ZFYVE28: variants seen among roughly 807,000 people sequenced by gnomAD.
ZFYVE28 encodes zinc finger FYVE-type containing 28.
In ZFYVE28, 40 loss-of-function variants were observed where a neutral mutation model predicts 82.1. That is an observed-to-expected ratio of 0.49 (90% CI 0.38 to 0.63). The LOEUF is 0.63. Among genes scored for constraint, ZFYVE28 ranks in the 30% least tolerant of loss-of-function variants. The pLI is 0.00. For missense variants in ZFYVE28, 1,321 were observed against 1,242.1 expected, an observed-to-expected ratio of 1.06 and a Z score of -0.96; for synonymous variants, 612 against 546.1, an observed-to-expected ratio of 1.12 and a Z score of -1.68.
chr4:2,290,737 G>A (rs1264576463), intron 8 of ZFYVE28, among the ~76,000 whole-genome samples: 2 of 152,254 alleles, frequency 1.3e-5, no homozygotes, highest in South Asian at 2.1e-4. Flanking sequence ...GCCAGGCATC[G>A]CCTTGGGGTG....
chr4:2,289,396 G>A (rs1713250978), intron 8 of ZFYVE28, among the ~76,000 whole-genome samples: 3 of 152,234 alleles, frequency 2.0e-5, no homozygotes, highest in African/African-American at 4.8e-5. Flanking sequence ...GGTCCTGGGT[G>A]TGGCCCTGGG....
intron 2 of ZFYVE28, among the ~76,000 whole-genome samples, chr4:2,349,732 A>T (rs564685653): frequency 6.6e-5 from 10 of 152,182 alleles, no homozygotes; most frequent in Non-Finnish European, 1.3e-4. Flanking sequence ...ATCGAGTAAA[A>T]AAAACCATCA....
At chr4:2,299,348 C>A (rs956862786) in intron 8 of ZFYVE28, among the ~76,000 whole-genome samples, 13 of 151,962 alleles carry the variant, frequency 8.6e-5, no homozygotes, top group Non-Finnish European at 1.9e-4. Flanking sequence ...AGGGATGGCA[C>A]TGCTGGGGGT....
At chr4:2,328,830 T>G in intron 6 of ZFYVE28, 1 of 333,626 alleles carries the variant, frequency 3.0e-6, no homozygotes, top group Non-Finnish European at 5.4e-6. Flanking sequence ...TCCAACTTTG[T>G]TCTTTTGCAT....
chr4:2,329,888 C>G (rs971532710), intron 6 of ZFYVE28, among the ~76,000 whole-genome samples: 12 of 152,146 alleles, frequency 7.9e-5, no homozygotes, highest in Non-Finnish European at 1.6e-4. Context: ...CGGGGATAAT[C>G]TTTGTGGATA....
chr4:2,393,071 G>T (rs571356851), intron 1 of ZFYVE28, among the ~76,000 whole-genome samples: 2 of 152,340 alleles, frequency 1.3e-5, no homozygotes, highest in African/African-American at 4.8e-5. Flanking sequence ...CGCAGGCTGC[G>T]TCTGCCCCTC....
At chr4:2,273,540 G>A (rs545202182) in intron 9 of ZFYVE28, among the ~76,000 whole-genome samples, 8 of 152,294 alleles carry the variant, frequency 5.3e-5, no homozygotes, top group African/African-American at 1.4e-4. Context: ...TCGGTCTGCC[G>A]CTGACATTCA....
chr4:2,397,026 C>T (rs559543657), intron 1 of ZFYVE28, among the ~76,000 whole-genome samples: 7 of 152,288 alleles, frequency 4.6e-5, no homozygotes, highest in East Asian at 1.9e-4. Context: ...GGCTCAGGGG[C>T]GACTGCCACG....
intron 7 of ZFYVE28, among the ~76,000 whole-genome samples, chr4:2,310,778 T>G (rs1443359492): frequency 1.3e-5 from 2 of 152,242 alleles, no homozygotes; most frequent in Non-Finnish European, 2.9e-5. Context: ...CACTCCAGCC[T>G]GCATGACAAA....
At chr4:2,377,630 T>A (rs940887729) in intron 1 of ZFYVE28, among the ~76,000 whole-genome samples, 1 of 152,200 alleles carries the variant, frequency 6.6e-6, no homozygotes. Flanking sequence ...TGTGGGCTCA[T>A]TCTCTATCTT....
Position 2,300,873 on chromosome 4 carries a change from G to A in ZFYVE28, c.2051+3416C>T, listed in dbSNP as rs114352341. On this transcript the variant is annotated intron_variant, in intron 8 of 12. Transcript: ENST00000290974. This position sits in a 1 kb window ranked among gnomAD's most constrained non-coding sequence, Gnocchi z 4.6. ...CTGCAGGGGCGTCTGCCGGGCGAGC[G>A]GGTCTCACGGCCAAACAGGCCCGGG... 0.01 allele frequency among the ~76,000 whole-genome samples: 1,589 copies of A among 152,276 alleles called. 26 individuals carry two copies. Among genetic ancestry groups the A allele is most frequent in the African/African-American group, 0.035 (1,458 of 41,556 alleles).
At chr4:2,364,859 G>A in intron 1 of ZFYVE28, 1 of 985,496 alleles carries the variant, frequency 1.0e-6, no homozygotes, top group Non-Finnish European at 1.2e-6. Context: ...CCACGTCGCC[G>A]CGGCAAAGTC....
intron 6 of ZFYVE28, among the ~76,000 whole-genome samples, chr4:2,329,371 A>G (rs1560212075): frequency 6.6e-6 from 1 of 152,154 alleles, no homozygotes. Flanking sequence ...ACTCTTTTGA[A>G]TGTTATCACA....
At chr4:2,303,424 TG>T (rs1447680432) in intron 8 of ZFYVE28, among the ~76,000 whole-genome samples, 1 of 152,142 alleles carries the variant, frequency 6.6e-6, no homozygotes, top group Non-Finnish European at 1.5e-5. Context: ...CGGCTCCTGG[TG>T]GGGGCTTTTC....
In ZFYVE28 at chr4:2,357,430, G is replaced by A. The variant is rs1374911957; in HGVS notation, c.40-3357C>T. Reference sequence around the variant, plus strand: ...CCAGGAGGGAGCATGGCCCCTTTTCGGGGTGGGGCTGAGCTCGCAGCCTGC... The same window carrying A: ...CCAGGAGGGAGCATGGCCCCTTTTCAGGGTGGGGCTGAGCTCGCAGCCTGC... On this transcript the variant is annotated intron_variant, in intron 1 of 12. Transcript: ENST00000290974. 2.0e-5 allele frequency among the ~76,000 whole-genome samples: 3 copies of A among 152,312 alleles called. No homozygotes were observed. In the East Asian group the frequency reaches 5.8e-4, roughly 29 times the overall value.
rs73205429 is a variant in ZFYVE28, at chr4:2,371,913, G to A, written c.40-17840C>T. Among the ~76,000 whole-genome samples, 636 of 152,228 alleles carry A rather than the reference G, an allele frequency of 4.2e-3. 1 individual carries two copies. The highest frequency in any genetic ancestry group is 6.8e-3 in the Non-Finnish European group (465 of 68,002). On this transcript the variant is annotated intron_variant, in intron 1 of 12. Coordinates refer to ENST00000290974, the MANE Select transcript of ZFYVE28 (RefSeq NM_020972.3). ...AGGATGAAGGTTGGGCTCCAGGGCC[G>A]TGAGCTGATGGCCGTGTGTCCCCAG...
At chr4:2,349,744 T>A (rs1457599058) in intron 2 of ZFYVE28, among the ~76,000 whole-genome samples, 1 of 151,866 alleles carries the variant, frequency 6.6e-6, no homozygotes, top group Non-Finnish European at 1.5e-5. Context: ...AAACCATCAA[T>A]GTAATTTACC....
At chr4:2,282,840 G>T (rs1406074891) in intron 8 of ZFYVE28, among the ~76,000 whole-genome samples, 2 of 152,208 alleles carry the variant, frequency 1.3e-5, no homozygotes, top group African/African-American at 2.4e-5. Flanking sequence ...GCTACGGGGA[G>T]GCTGAGGCAG....
At chr4:2,340,177 A>G (rs952582525) in intron 3 of ZFYVE28, among the ~76,000 whole-genome samples, 3 of 152,180 alleles carry the variant, frequency 2.0e-5, no homozygotes, top group Non-Finnish European at 4.4e-5. Flanking sequence ...CCACCTGTCA[A>G]GTTGCTCACT....
Sources: allele counts gnomAD v4.1 joint callset (sites outside exome capture counted in the v4.1 genomes callset), GRCh38; gene constraint gnomAD v4.1.1; non-coding constraint Gnocchi (gnomAD v3.1); transcripts MANE v1.5; gene names NCBI Gene and HGNC (gene_info 2026-07-23, HGNC 2026-07-21).